Variants in GRID2 observed in about 807,000 individuals in gnomAD.
GRID2 encodes the protein glutamate receptor ionotropic, delta-2.
Under a neutral mutation model 114.8 loss-of-function variants are expected in GRID2, and 33 were observed. The observed-to-expected ratio is 0.29, with a 90% CI of 0.22 to 0.38. The LOEUF (loss-of-function observed/expected upper bound fraction) is 0.38, where lower values mean the gene tolerates loss of function less well. GRID2 is among the 10% of genes least tolerant of loss of function. The pLI is 1.00. For missense variants in GRID2, 1,184 were observed against 1,257.7 expected, an observed-to-expected ratio of 0.94 and a Z score of 0.89; for synonymous variants, 505 against 449.9, an observed-to-expected ratio of 1.12 and a Z score of -1.55.
chr4:92,438,184 C>T (rs1043393112), intron 1 of GRID2, among the ~76,000 whole-genome samples: 4 of 152,066 alleles, frequency 2.6e-5, no homozygotes, highest in African/African-American at 4.8e-5. Context: ...ATGAATATCT[C>T]ACCTTTTTTT....
intron 4 of GRID2, among the ~76,000 whole-genome samples, chr4:93,163,527 G>T (rs949686182): frequency 6.7e-6 from 1 of 148,724 alleles, no homozygotes; most frequent in African/African-American, 2.5e-5. Flanking sequence ...GTCTTCCAAA[G>T]TGCTGGGATT....
At chr4:92,998,874 G>A (rs1453177674) in intron 2 of GRID2, among the ~76,000 whole-genome samples, 1 of 151,656 alleles carries the variant, frequency 6.6e-6, no homozygotes, top group African/African-American at 2.4e-5. Flanking sequence ...TCATTTCATG[G>A]TAAAGCTATG....
At position 92,380,315 on chromosome 4, in the gene GRID2, G is replaced by T. The variant is rs186826517; in HGVS notation, c.88+75571G>T. ...ATTCCAAATGAAAAAAAAATCCTTT[G>T]CTTCCTTAGCATATGTATTTTTGAA... On this transcript the variant is annotated intron_variant, in intron 1 of 15. Coordinates refer to ENST00000282020, the MANE Select transcript of GRID2 (RefSeq NM_001510.4). Among the ~76,000 whole-genome samples, 3 of 151,516 alleles carry T rather than the reference G, an allele frequency of 2.0e-5. No individual in the cohort carries two copies. The East Asian group carries it at 5.8e-4, about 29-fold the overall frequency.
chr4:93,804,577 A>G (rs1312898526), intron 1 of GRID2, among the ~76,000 whole-genome samples: 1 of 152,202 alleles, frequency 6.6e-6, no homozygotes, highest in Admixed American at 6.5e-5. Context: ...GTCATTAACC[A>G]AGACATCCTT....
intron 8 of GRID2, among the ~76,000 whole-genome samples, chr4:93,287,548 G>A (rs755132293): frequency 6.6e-6 from 1 of 152,100 alleles, no homozygotes; most frequent in Non-Finnish European, 1.5e-5. Flanking sequence ...AATTTTCTAT[G>A]ACAAGGAGAA....
intron 1 of GRID2, among the ~76,000 whole-genome samples, chr4:92,474,002 G>C (rs1722172036): frequency 7.2e-6 from 1 of 138,198 alleles, no homozygotes; most frequent in East Asian, 2.3e-4. Context: ...GTGTGTGTGT[G>C]TGTACGTATG....
intron 14 of GRID2, among the ~76,000 whole-genome samples, chr4:93,676,334 A>G (rs977314209): frequency 1.3e-5 from 2 of 152,178 alleles, no homozygotes; most frequent in African/African-American, 4.8e-5. Context: ...TCAAGAACCA[A>G]ATTAGGCCTC....
At position 93,802,048 on chromosome 4, in the gene GRID2, T is replaced by C. The variant is rs1340657413; in HGVS notation, c.222-4667T>C. Among the ~76,000 whole-genome samples, 3 of 152,352 alleles carry C rather than the reference T, an allele frequency of 2.0e-5. No homozygotes were observed. In the East Asian group the frequency reaches 5.8e-4, roughly 29 times the overall value. On this transcript the variant is annotated intron_variant, in intron 1 of 1. Coordinates refer to the GRID2 transcript ENST00000637838. ...AGAATCCAGCATCCAGGCCTGGAGCTTTCTGTCTATTGTACAGTAGCTGTT... is the reference window on the plus strand; with the variant it reads ...AGAATCCAGCATCCAGGCCTGGAGCCTTCTGTCTATTGTACAGTAGCTGTT...
intron 2 of GRID2, among the ~76,000 whole-genome samples, chr4:92,699,410 G>A (rs1022223150): frequency 1.3e-5 from 2 of 152,154 alleles, no homozygotes; most frequent in African/African-American, 4.8e-5. Context: ...CATTTAAATA[G>A]CTGAATGATG....
chr4:92,877,536 C>T (rs1455862414), intron 2 of GRID2, among the ~76,000 whole-genome samples: 2 of 152,182 alleles, frequency 1.3e-5, no homozygotes, highest in African/African-American at 4.8e-5. Flanking sequence ...CCTTACTTCA[C>T]ACACATTCTT....
chr4:92,525,025 A>G (rs138326314), intron 1 of GRID2, among the ~76,000 whole-genome samples: 233 of 152,098 alleles, frequency 1.5e-3, no homozygotes, highest in African/African-American at 5.5e-3. Flanking sequence ...TGATAATGAG[A>G]GAGTATTTTT....
chr4:92,645,703 G>A (rs893134860), intron 2 of GRID2, among the ~76,000 whole-genome samples: 3 of 151,546 alleles, frequency 2.0e-5, no homozygotes, highest in Non-Finnish European at 3.0e-5. Context: ...TTATCACCAT[G>A]GACTGCTCCT....
intron 6 of GRID2, among the ~76,000 whole-genome samples, chr4:93,220,296 T>C (rs530463949): frequency 1.3e-5 from 2 of 152,060 alleles, no homozygotes; most frequent in East Asian, 3.9e-4. Context: ...GTGTTACATG[T>C]TGATTTTTAT....
chr4:92,661,247 G>T (rs1265363477), intron 2 of GRID2, among the ~76,000 whole-genome samples: 1 of 150,762 alleles, frequency 6.6e-6, no homozygotes, highest in African/African-American at 2.4e-5. Flanking sequence ...TCTGAAATGT[G>T]ACAAAAGTTA....
At chr4:92,949,189 T>A (rs1386787586) in intron 2 of GRID2, among the ~76,000 whole-genome samples, 1 of 151,498 alleles carries the variant, frequency 6.6e-6, no homozygotes, top group Non-Finnish European at 1.5e-5. Flanking sequence ...AAGGAGGGAG[T>A]ATTTAACGAG....
chr4:93,627,040 G>T (rs1489366230), intron 14 of GRID2, among the ~76,000 whole-genome samples: 2 of 152,106 alleles, frequency 1.3e-5, no homozygotes, highest in Non-Finnish European at 2.9e-5. Context: ...GTTTACAATG[G>T]AAGATTTTTA....
intron 1 of GRID2, among the ~76,000 whole-genome samples, chr4:92,404,620 GAATC>G (rs1398696175): frequency 3.3e-5 from 5 of 152,052 alleles, no homozygotes; most frequent in Non-Finnish European, 7.4e-5. Context: ...GGAGCAAAGA[GAATC>G]AACCCAAATG....
chr4:93,324,512 C>G (rs746898532), intron 8 of GRID2, among the ~76,000 whole-genome samples: 10 of 152,058 alleles, frequency 6.6e-5, no homozygotes, highest in Non-Finnish European at 1.0e-4. Context: ...TTTGTTGAGT[C>G]TCTGCCAGCC....
chr4:92,908,273 T>C (rs752745723), intron 2 of GRID2, among the ~76,000 whole-genome samples: 6 of 152,278 alleles, frequency 3.9e-5, no homozygotes, highest in Non-Finnish European at 8.8e-5. Context: ...TTGTATTGAT[T>C]GAATTATAGC....
Sources: allele counts gnomAD v4.1 joint callset (sites outside exome capture counted in the v4.1 genomes callset), GRCh38; gene constraint gnomAD v4.1.1; transcripts MANE v1.5; gene names NCBI Gene and HGNC (gene_info 2026-07-23, HGNC 2026-07-21).